TNS3: variants seen among roughly 807,000 people sequenced by gnomAD.
The protein encoded by TNS3 is tensin-3.
In TNS3, 45 loss-of-function variants were observed where a neutral mutation model predicts 140.9. That is an observed-to-expected ratio of 0.32 (90% CI 0.25 to 0.41). The LOEUF (loss-of-function observed/expected upper bound fraction) is 0.41, where lower values mean the gene tolerates loss of function less well. Among genes scored for constraint, TNS3 ranks in the 10% least tolerant of loss-of-function variants. The pLI, the probability that TNS3 is intolerant of heterozygous loss-of-function variation, is 1.00. For missense variants in TNS3, 1,716 were observed against 1,906.7 expected (o/e 0.90, Z 1.86); for synonymous variants, 815 against 788.4 (o/e 1.03, Z -0.56).
chr7:47,467,822 C>T (rs911954551), intron 4 of TNS3, among the ~76,000 whole-genome samples: 1 of 152,150 alleles, frequency 6.6e-6, no homozygotes. Flanking sequence ...TGAGCCTAGA[C>T]CCTGGCTCCT....
At chr7:47,478,945 A>ACG (rs1404344792) in intron 4 of TNS3, among the ~76,000 whole-genome samples, 2 of 151,620 alleles carry the variant, frequency 1.3e-5, no homozygotes, top group Non-Finnish European at 2.9e-5. Context: ...TAATACACAC[A>ACG]CACACACACA....
Position 47,303,124 on chromosome 7 carries a change from G to C in TNS3, c.3283C>G (p.Gln1095Glu). The change falls in exon 22 of 31, where the codon CAG becomes GAG. Residue 1095 changes from glutamine to glutamate, a missense_variant. By Grantham distance (29) the Gln-to-Glu change is conservative. Around this residue, in one of 3 missense-constraint regions of TNS3, gnomAD observed 1,163 missense variants for 1,182.1 expected, o/e 0.98. Coordinates refer to ENST00000311160, the MANE Select transcript of TNS3 (RefSeq NM_022748.12). ...CGCTTCTTCTCAGGGAGGGGTGGCT[G>C]CCCGGGCAGGGTCACACCCTGGCCC... ...LQGQGVTLPG[Q>E]PPLPEKKRAS... 6.2e-7 allele frequency: 1 copy of C among 1,613,970 alleles called. No homozygotes were observed. Among genetic ancestry groups the C allele is most frequent in the Non-Finnish European group, 8.5e-7 (1 of 1,179,926 alleles).
chr7:47,557,145 C>G, intron 1 of TNS3: 1 of 456,798 alleles, frequency 2.2e-6, no homozygotes, highest in Non-Finnish European at 4.4e-6. Flanking sequence ...CCACCTTGGA[C>G]AAGTCCTGCA....
At chr7:47,552,417 G>A (rs1800088566) in intron 1 of TNS3, among the ~76,000 whole-genome samples, 3 of 152,066 alleles carry the variant, frequency 2.0e-5, no homozygotes, top group Admixed American at 1.3e-4. Flanking sequence ...CAGATACTCA[G>A]TTTTTTTTAA....
At chr7:47,347,060 A>G (rs1022833509) in intron 17 of TNS3, among the ~76,000 whole-genome samples, 1 of 152,152 alleles carries the variant, frequency 6.6e-6, no homozygotes, top group African/African-American at 2.4e-5. Flanking sequence ...ATCATTTGGC[A>G]GTTAGGAAAA....
chr7:47,363,104 CATCAT>C (rs2151107430), intron 17 of TNS3, among the ~76,000 whole-genome samples: 3 of 5,542 alleles, frequency 5.4e-4, no homozygotes, highest in East Asian at 4.0e-3. Context: ...TCATCACCAT[CATCAT>C]CATCATCATC....
chr7:47,442,154 G>T, intron 4 of TNS3, 99 bp from the exon 5 acceptor site: 1 of 734,732 alleles, frequency 1.4e-6, no homozygotes, highest in Non-Finnish European at 1.9e-6. Context: ...CCGTTCCACA[G>T]TTTAATCATA....
rs541671739 is a variant in TNS3, at chr7:47,504,191, G to A, written c.-115+2716C>T. Among the ~76,000 whole-genome samples the A allele has an allele frequency of 2.0e-5, 3 of 152,334 alleles. No individual in the cohort carries two copies. The East Asian group carries it at 5.8e-4, about 29-fold the overall frequency. ...TACTGTCCAATGGCTCAAGAAGAGA[G>A]TGATAGCAGTCTTTTGGCGCTTCTC... is the stretch of plus-strand genomic sequence containing the variant. On this transcript the variant is annotated intron_variant, in intron 3 of 30. Transcript: ENST00000311160.
chr7:47,442,390 C>T (rs1795510242), intron 4 of TNS3, among the ~76,000 whole-genome samples: 1 of 152,230 alleles, frequency 6.6e-6, no homozygotes, highest in South Asian at 2.1e-4. Context: ...GACACCAGCG[C>T]TATGACTATC....
At chr7:47,428,269 GC>G (rs746824262) in intron 9 of TNS3, 42 bp downstream of exon 9, 1 of 1,357,624 alleles carries the variant, frequency 7.4e-7, no homozygotes, top group African/African-American at 1.5e-5. Flanking sequence ...TGCAGGCCCA[GC>G]TTTTAGCACC....
chr7:47,392,656 C>A (rs984633829), intron 16 of TNS3, among the ~76,000 whole-genome samples: 1 of 152,210 alleles, frequency 6.6e-6, no homozygotes, highest in South Asian at 2.1e-4. Context: ...GCCTTTCACC[C>A]GCCAGGCGGC....
Position 47,580,090 on chromosome 7 carries a change from A to G in TNS3, c.-265+1961T>C, listed in dbSNP as rs140658189. ...TCTATCTTGGTAGTTTTTTAAAGACATAATTCAGCTGAGCTGCTGATAGCT... is the reference window on the plus strand; with the variant it reads ...TCTATCTTGGTAGTTTTTTAAAGACGTAATTCAGCTGAGCTGCTGATAGCT... On this transcript the variant is annotated intron_variant, in intron 1 of 30. Transcript: ENST00000311160. 3.3e-5 allele frequency among the ~76,000 whole-genome samples: 5 copies of G among 152,280 alleles called. No homozygotes were observed. In the East Asian group the frequency reaches 9.6e-4, roughly 29 times the overall value.
chr7:47,381,554 G>A (rs992541261), intron 16 of TNS3, among the ~76,000 whole-genome samples: 3 of 152,132 alleles, frequency 2.0e-5, no homozygotes, highest in Non-Finnish European at 4.4e-5. Flanking sequence ...ATGCCTTCAG[G>A]TTCCCACAGC....
At chr7:47,290,495 T>C (rs1331676755) in intron 27 of TNS3, among the ~76,000 whole-genome samples, 1 of 152,146 alleles carries the variant, frequency 6.6e-6, no homozygotes, top group Non-Finnish European at 1.5e-5. Context: ...ATTCCCAAAA[T>C]TTAACAATAA....
At chr7:47,355,625 TG>T (rs1789950607) in intron 17 of TNS3, among the ~76,000 whole-genome samples, 1 of 152,188 alleles carries the variant, frequency 6.6e-6, no homozygotes, top group Non-Finnish European at 1.5e-5. Context: ...AGCCAGAAAA[TG>T]TTTTTTAAAT....
intron 9 of TNS3, among the ~76,000 whole-genome samples, chr7:47,426,030 A>C (rs958053338): frequency 1.3e-5 from 2 of 152,108 alleles, no homozygotes; most frequent in Admixed American, 6.6e-5. Context: ...ACAAAAAAAA[A>C]ACACACACTT....
intron 3 of TNS3, chr7:47,481,669 G>A (rs1584749908): frequency 1.0e-5 from 10 of 985,216 alleles, no homozygotes; most frequent in African/African-American, 1.7e-5. Context: ...ATTCCATTCC[G>A]CACAAGAGAC....
chr7:47,488,974 G>T lies in TNS3; in HGVS notation c.-114-7833C>A, dbSNP rs149097533. On this transcript the variant is annotated intron_variant, in intron 3 of 30. Coordinates refer to ENST00000311160, the MANE Select transcript of TNS3 (RefSeq NM_022748.12). The stretch of plus-strand genomic sequence containing the variant: ...TATACAAAGAATGGCAGTACAAAAT[G>T]AGGACATTCGAGACTTTATTAACTT... Among the ~76,000 whole-genome samples the T allele has an allele frequency of 3.3e-4, 50 of 152,336 alleles. 1 individual carries two copies. Among genetic ancestry groups the T allele is most frequent in the African/African-American group, 8.2e-4 (34 of 41,574 alleles).
chr7:47,477,202 G>A (rs1251434396), intron 4 of TNS3, among the ~76,000 whole-genome samples: 2 of 152,112 alleles, frequency 1.3e-5, no homozygotes, highest in Non-Finnish European at 2.9e-5. Context: ...CCCTACCAGG[G>A]AATTAGGCCC....
Sources: allele counts gnomAD v4.1 joint callset (sites outside exome capture counted in the v4.1 genomes callset), GRCh38; gene constraint gnomAD v4.1.1; regional missense constraint gnomAD v4.1.1; transcripts MANE v1.5; gene names NCBI Gene and HGNC (gene_info 2026-07-23, HGNC 2026-07-21).